The following SDR42E2 variants were observed in gnomAD, a reference collection of about 807,000 sequenced individuals.
SDR42E2 encodes the protein short chain dehydrogenase/reductase family 42E, member 2, also known as putative short-chain dehydrogenase/reductase family 42E member 2.
In SDR42E2, 20 loss-of-function variants were observed where a neutral mutation model predicts 10.5. The ratio of observed to expected loss-of-function variants is 1.90; its 90% CI spans 1.34 to 2.77. The LOEUF is 2.77. SDR42E2 is among the 30% of genes most tolerant of loss of function. The pLI is 0.00. For missense variants in SDR42E2, 162 were observed against 104.2 expected (o/e 1.55, Z -2.42); for synonymous variants, 72 against 39.2 (o/e 1.84, Z -3.12).
intron 1 of SDR42E2, among the ~76,000 whole-genome samples, chr16:22,163,364 T>C (rs2046511394): frequency 6.6e-6 from 1 of 152,092 alleles, no homozygotes; most frequent in African/African-American, 2.4e-5. Flanking sequence ...CCTCTCCCTC[T>C]CGGGGATTTA....
intron 7 of SDR42E2, among the ~76,000 whole-genome samples, chr16:22,174,008 C>G (rs1265308569): frequency 1.3e-5 from 2 of 148,476 alleles, no homozygotes; most frequent in Admixed American, 1.4e-4. Flanking sequence ...AACTTGAGAG[C>G]CAGGTGGATT....
At chr16:22,167,713 T>TATCA (rs2142060609) in intron 4 of SDR42E2, among the ~76,000 whole-genome samples, 1 of 152,282 alleles carries the variant, frequency 6.6e-6, no homozygotes, top group South Asian at 2.1e-4. Context: ...AGAAATAACC[T>TATCA]ATCAGTTGAG....
intron 1 of SDR42E2, among the ~76,000 whole-genome samples, chr16:22,163,858 CA>C (rs915137817): frequency 7.2e-5 from 11 of 152,058 alleles, no homozygotes; most frequent in Non-Finnish European, 1.5e-4. Context: ...CCACCACCAG[CA>C]AAAAAACATG....
At chr16:22,182,496 G>A (rs1378794615) in intron 10 of SDR42E2, among the ~76,000 whole-genome samples, 3 of 151,872 alleles carry the variant, frequency 2.0e-5, no homozygotes, top group Non-Finnish European at 2.9e-5. Flanking sequence ...ACAGGCACAC[G>A]CCACCACGCC....
chr16:22,174,492 C>G (rs8063249), intron 7 of SDR42E2, among the ~76,000 whole-genome samples: 7,161 of 152,030 alleles, frequency 0.047, 549 homozygotes, highest in African/African-American at 0.16. Context: ...AGTGCTGCAG[C>G]CCCAGCTGAG....
In SDR42E2 at chr16:22,166,975, C is replaced by G. The variant is rs1344334267; in HGVS notation, c.312C>G (p.Ser104=). Residue 104 remains serine (S), a synonymous_variant, in exon 4 of 13, where the codon TCC becomes TCG. Coordinates refer to ENST00000602312, the MANE Select transcript of SDR42E2 (RefSeq NM_001394319.2). ...EGVDCVFHVA[S]YGMSGAEKLQ... ...TGGACTGTGTCTTCCACGTGGCTTC[C>G]TATGGAATGTCCGGGGCTGAGAAGG... 1.4e-6 allele frequency: 1 copy of G among 702,498 alleles called. No individual in the cohort carries two copies. Among genetic ancestry groups the G allele is most frequent in the Admixed American group, 2.0e-5 (1 of 49,946 alleles). The allele number at this position is 702,498 out of a possible 1,614,324, so 43.5% of individuals were successfully genotyped here.
chr16:22,172,272 C>T lies in SDR42E2; in HGVS notation c.530C>T (p.Ser177Phe). ...CTCTGGCAGCACGTAGACCACTACT[C>T]CCGAACCAAAGCCATCGCCGACCAA... ...FPLDEHVDHY[S>F]RTKAIADQLT... The change falls in exon 7 of 13, where the codon TCC (serine) becomes TTC (phenylalanine). Residue 177 changes from serine to phenylalanine, a missense_variant. Transcript: ENST00000602312. 1 of 703,146 alleles carries T rather than the reference C, an allele frequency of 1.4e-6. No individual in the cohort carries two copies. Among genetic ancestry groups the T allele is most frequent in the Non-Finnish European group, 2.6e-6 (1 of 385,002 alleles). 43.6% of individuals were successfully genotyped at this position (703,146 alleles called of 1,614,324 possible).
chr16:22,183,943 A>G (rs1037132108), intron 10 of SDR42E2, among the ~76,000 whole-genome samples: 1 of 152,014 alleles, frequency 6.6e-6, no homozygotes, highest in Non-Finnish European at 1.5e-5. Context: ...GCAAAAAAAA[A>G]AAAAAAAAAT....
At chr16:22,177,861 G>C (rs977013491) in intron 7 of SDR42E2, among the ~76,000 whole-genome samples, 1 of 150,900 alleles carries the variant, frequency 6.6e-6, no homozygotes, top group African/African-American at 2.4e-5. Flanking sequence ...AGCAATGGGA[G>C]GGCAGGGACC....
intron 6 of SDR42E2, 76 bp downstream of exon 6, chr16:22,171,027 A>G: frequency 1.4e-6 from 1 of 697,444 alleles, no homozygotes; most frequent in African/African-American, 1.7e-5. Context: ...GATGGGTGGA[A>G]GCAGGGTTGG....
Position 22,180,595 on chromosome 16 carries a change from C to T in SDR42E2, c.673-924C>T, listed in dbSNP as rs528743963. Among the ~76,000 whole-genome samples, 4 of 152,110 alleles carry T rather than the reference C, an allele frequency of 2.6e-5. No individual in the cohort carries two copies. The East Asian group carries it at 5.8e-4, about 22-fold the overall frequency. On this transcript the variant is annotated intron_variant, in intron 8 of 12. Transcript: ENST00000602312. ...GTATTCATCTATAGTCCCAGCTACT[C>T]GGGAGGCCAAGGCAGGAGGATCGCT... is the stretch of plus-strand genomic sequence containing the variant.
chr16:22,165,515 G>T (rs2046527332), intron 1 of SDR42E2, 32 bp from the exon 2 acceptor site: 1 of 400,824 alleles, frequency 2.5e-6, no homozygotes, highest in South Asian at 1.3e-4. Flanking sequence ...AACGATTCTA[G>T]AGCATTCTTT....
chr16:22,168,509 G>T (rs149808127), intron 4 of SDR42E2, among the ~76,000 whole-genome samples: 1 of 151,626 alleles, frequency 6.6e-6, no homozygotes, highest in Non-Finnish European at 1.5e-5. Flanking sequence ...GAAGTGATCC[G>T]CCCACCTCGG....
chr16:22,188,519 C>T (rs747346682), intron 12 of SDR42E2, among the ~76,000 whole-genome samples: 5 of 152,080 alleles, frequency 3.3e-5, no homozygotes, highest in African/African-American at 7.2e-5. Context: ...ATAACCTGCC[C>T]GTGATCACTC....
rs562456363 is a variant in SDR42E2, at chr16:22,170,001, C to A, written c.394+499C>A. 1.3e-4 allele frequency among the ~76,000 whole-genome samples: 19 copies of A among 151,838 alleles called. No homozygotes were observed. In the East Asian group the frequency reaches 3.7e-3, roughly 29 times the overall value. On this transcript the variant is annotated intron_variant, in intron 5 of 12. Coordinates refer to ENST00000602312, the MANE Select transcript of SDR42E2 (RefSeq NM_001394319.2). ...GAGCCGAGATCGTGCCACTGCTCTA[C>A]AGCCTGGGTAACAAGAGCAAAACTC...
intron 10 of SDR42E2, among the ~76,000 whole-genome samples, chr16:22,183,283 G>A (rs981992368): frequency 2.0e-5 from 3 of 152,052 alleles, no homozygotes; most frequent in Admixed American, 6.6e-5. Flanking sequence ...CACCCTGCTC[G>A]GCTAATTTTT....
chr16:22,164,260 T>TA (rs2046518377), intron 1 of SDR42E2, among the ~76,000 whole-genome samples: 1 of 151,656 alleles, frequency 6.6e-6, no homozygotes, highest in African/African-American at 2.4e-5. Context: ...TCTCAAAAAT[T>TA]AAAAAAAGAT....
In SDR42E2 at chr16:22,165,531, AT is replaced by A. The variant is rs979858643; in HGVS notation, c.-36-8del. 15 of 400,180 alleles carry A rather than the reference AT, an allele frequency of 3.7e-5. No individual in the cohort carries two copies. Among genetic ancestry groups the A allele is most frequent in the Non-Finnish European group, 5.8e-5 (13 of 225,934 alleles). 24.8% of individuals were successfully genotyped at this position (400,180 alleles called of 1,614,324 possible). A position where few individuals can be genotyped will look rare whatever the true frequency, so the allele number is the denominator to read the frequency against. ...ACGATTCTAGAGCATTCTTTCTTCT[AT>A]TTTTTTTCCCACAGGTGGTCGGTTT... On this transcript the variant is annotated splice_polypyrimidine_tract_variant and intron_variant, in intron 1 of 12. Coordinates refer to ENST00000602312, the MANE Select transcript of SDR42E2 (RefSeq NM_001394319.2).
At position 22,190,676 on chromosome 16, in the gene SDR42E2, C is replaced by A; in HGVS notation, c.*283C>A. ...CCCGCCCTCCGAAGTGGGCACGCTCCTGCTCCGCCCCCTGAATCCTGGCCA... is the reference window on the plus strand; with the variant it reads ...CCCGCCCTCCGAAGTGGGCACGCTCATGCTCCGCCCCCTGAATCCTGGCCA... On this transcript the variant is annotated 3_prime_UTR_variant, in exon 13 of 13. Coordinates refer to ENST00000602312, the MANE Select transcript of SDR42E2 (RefSeq NM_001394319.2). 1 of 362,924 alleles carries A rather than the reference C, an allele frequency of 2.8e-6. No homozygotes were observed. The highest frequency in any genetic ancestry group is 4.0e-5 in the East Asian group (1 of 24,826). The allele number at this position is 362,924 out of a possible 1,614,324, so 22.5% of individuals were successfully genotyped here.
Sources: allele counts gnomAD v4.1 joint callset (sites outside exome capture counted in the v4.1 genomes callset), GRCh38; gene constraint gnomAD v4.1.1; transcripts MANE v1.5; gene names NCBI Gene and HGNC (gene_info 2026-07-23, HGNC 2026-07-21).